The following IL34 variants were observed in gnomAD, a reference collection of about 807,000 sequenced individuals.
IL34 encodes interleukin 34.
Under a neutral mutation model 25.3 loss-of-function variants are expected in IL34, and 17 were observed. The ratio of observed to expected loss-of-function variants is 0.67; its 90% confidence interval spans 0.46 to 1.01. The LOEUF (loss-of-function observed/expected upper bound fraction) is 1.01. IL34 is among the 50% of genes least tolerant of loss of function. The pLI is 0.00. For synonymous variants in IL34, 174 were observed against 140.9 expected (o/e 1.23, Z -1.66); for missense variants, 368 against 312.9 (o/e 1.18, Z -1.33).
chr16:70,584,176 G>A (rs769177915), intron 1 of IL34, among the ~76,000 whole-genome samples: 31 of 152,160 alleles, frequency 2.0e-4, no homozygotes, highest in African/African-American at 7.2e-4. Context: ...GGTGTGGGAC[G>A]ATCCTAGGGT....
At chr16:70,643,478 C>T (rs2051834983), upstream of IL34, among the ~76,000 whole-genome samples, 1 of 152,228 alleles carries the variant, frequency 6.6e-6, no homozygotes, top group Non-Finnish European at 1.5e-5. Flanking sequence ...TCAAGTGATC[C>T]TCCCATCTCA....
intron 1 of IL34, among the ~76,000 whole-genome samples, chr16:70,610,300 T>A (rs1360888032): frequency 6.6e-6 from 1 of 151,924 alleles, no homozygotes; most frequent in Non-Finnish European, 1.5e-5. Flanking sequence ...AAACTCTTGG[T>A]GGATTCTCTC....
At chr16:70,647,243 G>A (rs1040465617) in intron 1 of IL34, among the ~76,000 whole-genome samples, 1 of 152,208 alleles carries the variant, frequency 6.6e-6, no homozygotes, top group Non-Finnish European at 1.5e-5. Context: ...GGCACTGGGG[G>A]TAGGTGGCAG....
chr16:70,656,840 A>G (rs1468183989), intron 3 of IL34, 120 bp from the exon 4 acceptor site: 2 of 1,200,792 alleles, frequency 1.7e-6, no homozygotes, highest in African/African-American at 1.5e-5. Flanking sequence ...ATGTTTGTCC[A>G]CTGTCCACAG....
intron 4 of IL34, 142 bp downstream of exon 4, chr16:70,657,263 G>T: frequency 7.0e-6 from 6 of 859,896 alleles, no homozygotes; most frequent in East Asian, 2.7e-5. Flanking sequence ...TGGGAGAAGT[G>T]GGGGAGGGGT....
At chr16:70,622,991 A>G (rs1014474785) in intron 1 of IL34, among the ~76,000 whole-genome samples, 14 of 152,050 alleles carry the variant, frequency 9.2e-5, no homozygotes, top group African/African-American at 2.9e-4. Flanking sequence ...CACTAACCAT[A>G]CCTAGGAAGA....
intron 1 of IL34, among the ~76,000 whole-genome samples, chr16:70,607,693 T>C (rs929528726): frequency 1.1e-4 from 16 of 152,222 alleles, no homozygotes; most frequent in African/African-American, 3.6e-4. Context: ...TTATTGGGGA[T>C]AAATGTTGGA....
At chr16:70,606,579 C>A (rs78513761) in intron 1 of IL34, among the ~76,000 whole-genome samples, 9,741 of 151,932 alleles carry the variant, frequency 0.064, 373 homozygotes, top group Non-Finnish European at 0.072. Flanking sequence ...ATTTTAGATT[C>A]GTTTGGATTT....
chr16:70,587,349 A>C (rs1430764482), intron 1 of IL34, among the ~76,000 whole-genome samples: 3 of 152,010 alleles, frequency 2.0e-5, no homozygotes, highest in African/African-American at 7.2e-5. Flanking sequence ...AGCTCACTGC[A>C]AGCTCCGCCT....
chr16:70,589,104 G>C (rs2151805474), intron 1 of IL34, among the ~76,000 whole-genome samples: 1 of 152,208 alleles, frequency 6.6e-6, no homozygotes, highest in African/African-American at 2.4e-5. Context: ...GGCTGAGGCA[G>C]GAGAATCGCT....
intron 1 of IL34, among the ~76,000 whole-genome samples, chr16:70,626,219 T>C (rs146278773): frequency 0.021 from 3,221 of 152,332 alleles, 48 homozygotes; most frequent in Non-Finnish European, 0.03. Context: ...GCCTTTGATA[T>C]AAATTGCATT....
intron 1 of IL34, among the ~76,000 whole-genome samples, chr16:70,605,967 TG>T (rs200030357): frequency 1.3e-4 from 17 of 125,948 alleles, no homozygotes; most frequent in South Asian, 5.5e-4. Flanking sequence ...CCACCGCACC[TG>T]GTTTTTTTTT....
chr16:70,627,785 G>A (rs972733137), intron 1 of IL34, among the ~76,000 whole-genome samples: 1 of 152,128 alleles, frequency 6.6e-6, no homozygotes, highest in Non-Finnish European at 1.5e-5. Flanking sequence ...TCTTGTCACA[G>A]ATTGGTTTTG....
chr16:70,587,102 A>G (rs1458363685), intron 1 of IL34, among the ~76,000 whole-genome samples: 1 of 151,706 alleles, frequency 6.6e-6, no homozygotes, highest in African/African-American at 2.4e-5. Flanking sequence ...TAGTCTTGCA[A>G]CTCTCAGGGG....
chr16:70,618,926 T>C (rs538075485), intron 1 of IL34, among the ~76,000 whole-genome samples: 14 of 152,118 alleles, frequency 9.2e-5, no homozygotes, highest in African/African-American at 2.9e-4. Context: ...GGATTAACGG[T>C]GCAAAGGAAT....
intron 1 of IL34, among the ~76,000 whole-genome samples, chr16:70,582,659 G>A (rs1422884588): frequency 1.3e-5 from 2 of 152,252 alleles, no homozygotes; most frequent in Non-Finnish European, 2.9e-5. Context: ...CCTTCAGGAA[G>A]GTACTGGAAT....
At chr16:70,607,484 CT>C (rs1256313879) in intron 1 of IL34, among the ~76,000 whole-genome samples, 5 of 152,192 alleles carry the variant, frequency 3.3e-5, no homozygotes, top group African/African-American at 1.2e-4. Context: ...ATCCCTCCCC[CT>C]TTTTCTGGCC....
At chr16:70,621,038 C>G (rs1238437368) in intron 1 of IL34, among the ~76,000 whole-genome samples, 1 of 151,978 alleles carries the variant, frequency 6.6e-6, no homozygotes, top group East Asian at 1.9e-4. Context: ...GATTGAGACA[C>G]AGAGATAAGA....
Position 70,602,172 on chromosome 16 carries a change from C to A in IL34, c.-401+22123C>A, listed in dbSNP as rs553331363. 3.2e-4 allele frequency among the ~76,000 whole-genome samples: 48 copies of A among 152,310 alleles called. 1 individual carries two copies. The highest frequency in any genetic ancestry group is 5.9e-4 in the Non-Finnish European group (40 of 68,026). On this transcript the variant is annotated intron_variant, in intron 1 of 6. Transcript: ENST00000429149. ...GCAGTGAGCCGTGGAGGCCAGGCTC[C>A]TTTGGCCTCACAATCAGGCTTTTGA...
Sources: allele counts gnomAD v4.1 joint callset (sites outside exome capture counted in the v4.1 genomes callset), GRCh38; gene constraint gnomAD v4.1.1; transcripts MANE v1.5; gene names NCBI Gene and HGNC (gene_info 2026-07-23, HGNC 2026-07-21).